MGA: variants seen among roughly 807,000 people sequenced by gnomAD.
The protein encoded by MGA is MAX gene-associated protein.
MGA carries 40 observed loss-of-function variants against 261.1 expected under a neutral mutation model. The observed-to-expected ratio is 0.15, with a 90% CI of 0.12 to 0.20. MGA has a LOEUF of 0.20. Ranked by LOEUF, MGA falls within the 10% of genes least tolerant of loss-of-function variation. The pLI is 1.00. For synonymous variants in MGA, 1,302 were observed against 1,290.6 expected (o/e 1.01, Z -0.19); for missense variants, 3,397 against 3,630.5 (o/e 0.94, Z 1.65).
intron 13 of MGA, among the ~76,000 whole-genome samples, chr15:41,739,129 A>T (rs1595922532): frequency 6.8e-6 from 1 of 148,070 alleles, no homozygotes. Flanking sequence ...TTCTTTCTTT[A>T]AAAAAAAAAG....
At position 41,696,822 on chromosome 15, in the gene MGA, G is replaced by C; in HGVS notation, c.1812G>C (p.Gln604His). Residue 604 changes from glutamine (Q) to histidine (H), a missense_variant, in exon 3 of 24, where the codon CAG becomes CAC. Coordinates refer to ENST00000219905, the MANE Select transcript of MGA (RefSeq NM_001164273.2). Reference sequence around the variant, plus strand: ...CCGCAAAGGTAGTGAATGCTAATCAGAATGCCTCTCCAAATGTCCCTGGAA... The same window carrying C: ...CCGCAAAGGTAGTGAATGCTAATCACAATGCCTCTCCAAATGTCCCTGGAA... 6.2e-7 allele frequency: 1 copy of C among 1,600,368 alleles called. No homozygotes were observed. Among genetic ancestry groups the C allele is most frequent in the Non-Finnish European group, 8.5e-7 (1 of 1,173,252 alleles).
In MGA at chr15:41,703,369, C is replaced by CCCG. The variant is rs1491299910; in HGVS notation, c.2188+4212_2188+4213insGCC. ...TGTCAGTTTATTCATTGTGAAGTTA[C>CCCG]CCCCCCCCCCACTCCCCACCCTCCC... is the stretch of plus-strand genomic sequence containing the variant. On this transcript the variant is annotated intron_variant, in intron 5 of 23. Coordinates refer to ENST00000219905, the MANE Select transcript of MGA (RefSeq NM_001164273.2). Among the ~76,000 whole-genome samples, 8 of 14,488 alleles carry CCCG rather than the reference C, an allele frequency of 5.5e-4. No homozygotes were observed. In the East Asian group the frequency reaches 0.016, roughly 28 times the overall value. 9.5% of individuals were successfully genotyped at this position (14,488 alleles called of 152,430 possible).
At chr15:41,739,781 C>A (rs992696528) in intron 13 of MGA, 125 bp from the exon 14 acceptor site, 48 of 933,728 alleles carry the variant, frequency 5.1e-5, no homozygotes, top group Non-Finnish European at 7.2e-5. Flanking sequence ...AAGTCTACTT[C>A]TTTTTCCCTT....
chr15:41,680,078 A>G (rs1316388063), intron 2 of MGA, among the ~76,000 whole-genome samples: 1 of 152,208 alleles, frequency 6.6e-6, no homozygotes, highest in Non-Finnish European at 1.5e-5. Context: ...TCTACACGTA[A>G]GGCCCAAATC....
At chr15:41,709,706 G>T (rs1249149343) in intron 7 of MGA, among the ~76,000 whole-genome samples, 1 of 151,514 alleles carries the variant, frequency 6.6e-6, no homozygotes, top group Non-Finnish European at 1.5e-5. Flanking sequence ...TAAGTGCCGG[G>T]ATTACAGGCA....
chr15:41,632,433 C>T (rs1409698058), intron 1 of MGA, among the ~76,000 whole-genome samples: 1 of 152,182 alleles, frequency 6.6e-6, no homozygotes, highest in African/African-American at 2.4e-5. Flanking sequence ...CTCCTCTCCT[C>T]CCCCAGCAGA....
rs200914325 is a variant in MGA at position 41,766,870 on chromosome 15, A to G, written c.8788A>G (p.Ile2930Val). 6.1e-5 allele frequency: 98 copies of G among 1,613,894 alleles called. No homozygotes were observed. Among genetic ancestry groups the G allele is most frequent in the Non-Finnish European group, 8.1e-5 (95 of 1,179,900 alleles). Residue 2930 changes from isoleucine to valine, a missense_variant, in exon 24 of 24, where the codon ATT becomes GTT. By Grantham distance (29) the Ile-to-Val change is conservative (BLOSUM62 3). Around this residue, in one of 9 missense-constraint regions of MGA, gnomAD observed 647 missense variants for 642.4 expected, o/e 1.01. Transcript: ENST00000219905. ...TGAGCCAGATGTCCTTAAGATTGTT[A>G]TTGACTCTGAAATAAAGGATTCCCT...
At chr15:41,718,198 T>C (rs918284509) in intron 9 of MGA, among the ~76,000 whole-genome samples, 2 of 151,230 alleles carry the variant, frequency 1.3e-5, no homozygotes, top group Admixed American at 6.6e-5. Context: ...TGTGGTTAAA[T>C]TGATAAAAAT....
chr15:41,699,692 C>CGG (rs1341893003), intron 5 of MGA, among the ~76,000 whole-genome samples: 6 of 152,082 alleles, frequency 3.9e-5, no homozygotes, highest in African/African-American at 1.4e-4. Flanking sequence ...TTAGTAGAGA[C>CGG]GGTTTCACCG....
rs1476821524 is a variant in MGA at position 41,750,505 on chromosome 15, G to A, written c.6898G>A (p.Asp2300Asn). 3.1e-6 allele frequency: 5 copies of A among 1,613,746 alleles called. No homozygotes were observed. The highest frequency in any genetic ancestry group is 1.3e-5 in the African/African-American group (1 of 74,936). ...AAGCAGTGCTGACTTCACTGTTTTG[G>A]ATTTGGAAGAAGATGATGAAGATGA... The change falls in exon 17 of 24, where the codon GAT becomes AAT. Residue 2300 changes from aspartate (D) to asparagine (N), a missense_variant. Asp to Asn is a conservative substitution (Grantham distance 23, BLOSUM62 1). Transcript: ENST00000219905.
chr15:41,700,064 T>G (rs1279369382), intron 5 of MGA, among the ~76,000 whole-genome samples: 1 of 142,786 alleles, frequency 7.0e-6, no homozygotes, highest in Non-Finnish European at 1.5e-5. Flanking sequence ...TTTTTTTTTT[T>G]GATGCGCAGT....
At position 41,710,836 on chromosome 15, in the gene MGA, T is replaced by C; in HGVS notation, c.2571T>C (p.Leu857=). 6.2e-7 allele frequency: 1 copy of C among 1,613,994 alleles called. No homozygotes were observed. Among genetic ancestry groups the C allele is most frequent in the Non-Finnish European group, 8.5e-7 (1 of 1,179,878 alleles). ...CCACATCTCCTGTGGTGTACCAGCT[T>C]CCCACTAAGAGTACCAGTTATGTAC... Residue 857 remains leucine (L), a synonymous_variant, in exon 8 of 24, where the codon CTT becomes CTC. Coordinates refer to ENST00000219905, the MANE Select transcript of MGA (RefSeq NM_001164273.2).
chr15:41,642,023 AT>A (rs1334852420), intron 1 of MGA, among the ~76,000 whole-genome samples: 2 of 151,912 alleles, frequency 1.3e-5, no homozygotes, highest in African/African-American at 4.8e-5. Context: ...CTCCCGCTGA[AT>A]TCCTGGGCTC....
chr15:41,627,425 G>A (rs185048404), intron 1 of MGA, among the ~76,000 whole-genome samples: 1 of 152,210 alleles, frequency 6.6e-6, no homozygotes, highest in Admixed American at 6.5e-5. Context: ...ATACCAGTCA[G>A]GTTTTCTGTA....
In MGA at chr15:41,749,181, C is replaced by T; in HGVS notation, c.5574C>T (p.Ser1858=). The T allele has an allele frequency of 6.2e-7, 1 of 1,613,998 alleles. No homozygotes were observed. The highest frequency in any genetic ancestry group is 8.5e-7 in the Non-Finnish European group (1 of 1,179,890). The change falls in exon 17 of 24, where the codon TCC becomes TCT. Residue 1858 remains serine, a synonymous_variant. Transcript: ENST00000219905. Reference sequence around the variant, plus strand: ...AGACTCCGCCATCTTCCACTTCGTCCTCTGCTTTCTCTGTCATGAATCCTG... The same window carrying T: ...AGACTCCGCCATCTTCCACTTCGTCTTCTGCTTTCTCTGTCATGAATCCTG...
chr15:41,716,322 C>T (rs921139622), intron 9 of MGA, among the ~76,000 whole-genome samples: 4 of 151,172 alleles, frequency 2.6e-5, no homozygotes, highest in East Asian at 1.9e-4. Flanking sequence ...GGCGTGGTGG[C>T]GGGCACCTGT....
At chr15:41,736,720 GGTATAGCACCTTT>G (rs1274858863) in intron 13 of MGA, 22 bp downstream of exon 13, 1 of 1,564,462 alleles carries the variant, frequency 6.4e-7, no homozygotes, top group East Asian at 2.3e-5. Flanking sequence ...CTTTAATCTG[GGTATAGCACCTTT>G]GTATACACCT....
intron 19 of MGA, among the ~76,000 whole-genome samples, chr15:41,758,326 A>T (rs1019218539): frequency 6.6e-5 from 10 of 152,104 alleles, no homozygotes; most frequent in African/African-American, 2.4e-4. Context: ...GTAGGCATGG[A>T]GGAGAGTTTG....
chr15:41,747,107 C>T (rs897242583), intron 15 of MGA, among the ~76,000 whole-genome samples: 1 of 152,078 alleles, frequency 6.6e-6, no homozygotes, highest in African/African-American at 2.4e-5. Flanking sequence ...ACATCTTCTG[C>T]ATTAAATTTC....
Sources: allele counts gnomAD v4.1 joint callset (sites outside exome capture counted in the v4.1 genomes callset), GRCh38; gene constraint gnomAD v4.1.1; regional missense constraint gnomAD v4.1.1; transcripts MANE v1.5; gene names NCBI Gene and HGNC (gene_info 2026-07-23, HGNC 2026-07-21).